Variants in GRB10 observed in about 807,000 individuals in gnomAD.
GRB10 encodes growth factor receptor-bound protein 10.
Under a neutral mutation model 80.9 loss-of-function variants are expected in GRB10, and 20 were observed. The observed-to-expected ratio is 0.25, with a 90% CI of 0.17 to 0.36. GRB10 has a LOEUF of 0.36. Among genes scored for constraint, GRB10 ranks in the 10% least tolerant of loss-of-function variants. GRB10 has a pLI of 1.00. For missense variants in GRB10, 548 were observed against 747.7 expected (o/e 0.73, Z 3.12); for synonymous variants, 291 against 291.5 (o/e 1.00, Z 0.02).
At position 50,617,816 on chromosome 7, in the gene GRB10, T is replaced by C. The variant is rs528988085; in HGVS notation, c.846+255A>G. The C allele has an allele frequency of 1.2e-5, 7 of 562,828 alleles. No individual in the cohort carries two copies. The South Asian group carries it at 1.4e-4, about 11-fold the overall frequency. 34.9% of individuals were successfully genotyped at this position (562,828 alleles called of 1,614,324 possible). A position where few individuals can be genotyped will look rare whatever the true frequency, so the allele number is the denominator to read the frequency against. On this transcript the variant is annotated intron_variant, in intron 10 of 18. Transcript: ENST00000401949. ...CAGCAGTGGCATCACTGGACTCTTC[T>C]AAGTCAGAGCAAGGGCATCGTGTAA...
chr7:50,646,311 G>A (rs1189865702), intron 7 of GRB10, among the ~76,000 whole-genome samples: 2 of 152,054 alleles, frequency 1.3e-5, no homozygotes, highest in Non-Finnish European at 2.9e-5. Context: ...AATCTATCAC[G>A]GTACCTCCAT....
rs147634325 is a variant in GRB10, at chr7:50,642,756, T to TAC, written c.505-15780_505-15779dup. ...AAAGAATACTCAATCATTATACTCC[T>TAC]ACACACACACACGCATAGACACATA... On this transcript the variant is annotated intron_variant, in intron 7 of 18. Transcript: ENST00000401949. Among the ~76,000 whole-genome samples, 62 of 151,408 alleles carry TAC rather than the reference T, an allele frequency of 4.1e-4. No individual in the cohort carries two copies. In the East Asian group the frequency reaches 0.012, roughly 29 times the overall value.
At chr7:50,614,120 G>A (rs759211038) in intron 12 of GRB10, among the ~76,000 whole-genome samples, 2 of 152,198 alleles carry the variant, frequency 1.3e-5, no homozygotes, top group Non-Finnish European at 2.9e-5. Flanking sequence ...AAAGGAGTGG[G>A]CTCTGCCTAT....
chr7:50,712,972 A>G (rs2066123814), intron 4 of GRB10, among the ~76,000 whole-genome samples: 1 of 152,228 alleles, frequency 6.6e-6, no homozygotes, highest in Non-Finnish European at 1.5e-5. Flanking sequence ...TCCTGCCCAG[A>G]GCCTGTCAAT....
chr7:50,744,114 T>C (rs535795654), intron 3 of GRB10, among the ~76,000 whole-genome samples: 10 of 150,984 alleles, frequency 6.6e-5, no homozygotes, highest in Non-Finnish European at 1.2e-4. Context: ...GAGGAACCCA[T>C]GTGCACAATG....
At chr7:50,733,180 T>C (rs2070185351) in intron 3 of GRB10, among the ~76,000 whole-genome samples, 1 of 152,114 alleles carries the variant, frequency 6.6e-6, no homozygotes, top group Admixed American at 6.5e-5. Context: ...CACAGACTTG[T>C]ACAGAGAGAA....
At chr7:50,789,947 G>A (rs746900350) in intron 1 of GRB10, among the ~76,000 whole-genome samples, 7 of 152,126 alleles carry the variant, frequency 4.6e-5, no homozygotes, top group East Asian at 1.9e-4. Flanking sequence ...ACGAGTAAGC[G>A]GGTGGTTTTA....
At chr7:50,639,743 C>T (rs1472626253) in intron 7 of GRB10, among the ~76,000 whole-genome samples, 1 of 151,864 alleles carries the variant, frequency 6.6e-6, no homozygotes, top group African/African-American at 2.4e-5. Flanking sequence ...GAACAAGTCT[C>T]ACTGGCTAAG....
At chr7:50,666,965 A>G (rs915637830) in intron 7 of GRB10, among the ~76,000 whole-genome samples, 3 of 147,700 alleles carry the variant, frequency 2.0e-5, no homozygotes, top group Non-Finnish European at 4.5e-5. Flanking sequence ...GCGTGAACCC[A>G]GGAGGCAGAG....
intron 5 of GRB10, among the ~76,000 whole-genome samples, chr7:50,693,813 A>G (rs1242932208): frequency 6.6e-6 from 1 of 152,114 alleles, no homozygotes; most frequent in Non-Finnish European, 1.5e-5. Context: ...AGAGGCTGGA[A>G]GAGCAGTCTC....
intron 2 of GRB10, among the ~76,000 whole-genome samples, chr7:50,774,874 T>C (rs2077411126): frequency 6.6e-6 from 1 of 151,880 alleles, no homozygotes; most frequent in South Asian, 2.1e-4. Context: ...ACTTCAGCAG[T>C]GGCTCACTCC....
intron 7 of GRB10, among the ~76,000 whole-genome samples, chr7:50,663,218 C>T (rs2059451966): frequency 1.3e-5 from 2 of 152,032 alleles, no homozygotes; most frequent in Admixed American, 1.3e-4. Context: ...GAAGTGGGAC[C>T]CCAGGCAGCC....
At chr7:50,632,600 G>A (rs79870773) in intron 7 of GRB10, among the ~76,000 whole-genome samples, 7,632 of 152,248 alleles carry the variant, frequency 0.05, 639 homozygotes, top group African/African-American at 0.17. Flanking sequence ...CTTGGTTTCC[G>A]TTGCAGGGAG....
intron 3 of GRB10, among the ~76,000 whole-genome samples, chr7:50,754,915 C>T (rs926026149): frequency 6.6e-6 from 1 of 152,172 alleles, no homozygotes; most frequent in Non-Finnish European, 1.5e-5. Flanking sequence ...CCAATACAAC[C>T]GGTGTCCTTA....
intron 5 of GRB10, among the ~76,000 whole-genome samples, chr7:50,702,908 A>G (rs573119539): frequency 6.6e-6 from 1 of 152,352 alleles, no homozygotes; most frequent in East Asian, 1.9e-4. Context: ...CAAGGCTTAC[A>G]TTATTTCCAT....
chr7:50,759,091 G>A (rs1045086605), intron 2 of GRB10, among the ~76,000 whole-genome samples: 1 of 151,582 alleles, frequency 6.6e-6, no homozygotes, highest in African/African-American at 2.4e-5. Flanking sequence ...TACTTAGGAG[G>A]CTTAGGTGGG....
rs6967874 is a variant in GRB10, at chr7:50,592,741, T to C, written c.*211A>G. ...TCCATGCCCTCCCCAATTTGGCCGA[T>C]GCAGAGGGAGGCGACCCTGCTGGGT... On this transcript the variant is annotated 3_prime_UTR_variant, in exon 19 of 19. Coordinates refer to ENST00000401949, the MANE Select transcript of GRB10 (RefSeq NM_001350814.2). 596,957 of 598,668 alleles carry C rather than the reference T, an allele frequency of 1. 297,651 individuals carry two copies. Among genetic ancestry groups the C allele is most frequent in the East Asian group, 1 (34,529 of 34,530 alleles). The allele number at this position is 598,668 out of a possible 1,614,324, so 37.1% of individuals were successfully genotyped here.
At chr7:50,737,100 C>T (rs1267830668) in intron 3 of GRB10, among the ~76,000 whole-genome samples, 1 of 152,170 alleles carries the variant, frequency 6.6e-6, no homozygotes, top group Non-Finnish European at 1.5e-5. Flanking sequence ...AAAGACAACA[C>T]ATAGAATGGG....
intron 3 of GRB10, among the ~76,000 whole-genome samples, chr7:50,741,315 T>C (rs2071691664): frequency 6.6e-6 from 1 of 152,122 alleles, no homozygotes; most frequent in Non-Finnish European, 1.5e-5. Flanking sequence ...TTATTATTTT[T>C]TAAAAATACT....
Sources: gnomAD v4.1 joint callset for allele counts (sites outside exome capture counted in the v4.1 genomes callset) on GRCh38, gnomAD v4.1.1 for gene constraint, MANE v1.5 for transcripts, NCBI Gene and HGNC (gene_info 2026-07-23, HGNC 2026-07-21) for gene names.